The following DYNLT5 variants were observed in gnomAD, a reference collection of about 807,000 sequenced individuals.
DYNLT5 encodes dynein light chain Tctex-type 5.
Under a neutral mutation model 19.3 loss-of-function variants are expected in DYNLT5, and 25 were observed. That is an observed-to-expected ratio of 1.30 (90% CI 0.95 to 1.81). DYNLT5 has a LOEUF of 1.81. DYNLT5 is among the 40% of genes most tolerant of loss of function. The pLI is 0.00. For missense variants in DYNLT5, 232 were observed against 217.9 expected, an observed-to-expected ratio of 1.06 and a Z score of -0.41; for synonymous variants, 82 against 68.9, an observed-to-expected ratio of 1.19 and a Z score of -0.94.
intron 2 of DYNLT5, among the ~76,000 whole-genome samples, chr1:66,760,393 T>C (rs2094643895): frequency 6.6e-6 from 1 of 152,216 alleles, no homozygotes; most frequent in African/African-American, 2.4e-5. Flanking sequence ...TGAATAATTG[T>C]TGCATTTTAT....
chr1:66,774,175 G>A (rs1405855907), intron 3 of DYNLT5, among the ~76,000 whole-genome samples: 2 of 152,032 alleles, frequency 1.3e-5, no homozygotes, highest in East Asian at 1.9e-4. Flanking sequence ...TCTTTTGGTG[G>A]CCTGGCCTCC....
chr1:66,775,457 A>C (rs1016492867), intron 3 of DYNLT5: 2 of 152,234 alleles, frequency 1.3e-5, no homozygotes, highest in African/African-American at 2.4e-5. Flanking sequence ...ATTATCTATA[A>C]AATTTAATTC....
At chr1:66,756,026 T>C (rs1399550308) in intron 2 of DYNLT5, among the ~76,000 whole-genome samples, 5 of 152,166 alleles carry the variant, frequency 3.3e-5, no homozygotes, top group Admixed American at 6.5e-5. Context: ...TCTTTTCCCC[T>C]TCAAAACAAA....
chr1:66,771,544 C>T (rs1198100373), intron 3 of DYNLT5, among the ~76,000 whole-genome samples: 1 of 152,092 alleles, frequency 6.6e-6, no homozygotes, highest in African/African-American at 2.4e-5. Flanking sequence ...AACATAAAGC[C>T]CTGAAACTTG....
intron 2 of DYNLT5, among the ~76,000 whole-genome samples, chr1:66,756,531 T>G (rs1015902105): frequency 6.6e-6 from 1 of 152,222 alleles, no homozygotes; most frequent in Non-Finnish European, 1.5e-5. Flanking sequence ...GAAAATTACT[T>G]TAAAACAATT....
rs1645243980 is a variant in DYNLT5, at chr1:66,777,502, C to T, written c.*48C>T. The T allele has an allele frequency of 1.3e-6, 2 of 1,545,580 alleles. No individual in the cohort carries two copies. Among genetic ancestry groups the T allele is most frequent in the Admixed American group, 1.8e-5 (1 of 56,124 alleles). The stretch of plus-strand genomic sequence containing the variant: ...TTACTTTTGAAAATTCTGAGGCAGG[C>T]TGTATGTCTGTACACAAAAGTTTTA... On this transcript the variant is annotated 3_prime_UTR_variant, in exon 5 of 5. Transcript: ENST00000282670.
At chr1:66,758,721 G>T (rs751533348) in intron 2 of DYNLT5, among the ~76,000 whole-genome samples, 4 of 152,154 alleles carry the variant, frequency 2.6e-5, no homozygotes, top group Non-Finnish European at 5.9e-5. Context: ...ACTGAGAGCT[G>T]CCTGGTAACT....
chr1:66,755,667 C>A (rs2094634889), intron 2 of DYNLT5: 1 of 152,208 alleles, frequency 6.6e-6, no homozygotes, highest in Non-Finnish European at 1.5e-5. Flanking sequence ...CTACTTGCAA[C>A]TCCACATTCC....
At chr1:66,776,558 T>TGG (rs72451064) in intron 4 of DYNLT5, among the ~76,000 whole-genome samples, 155 bp downstream of exon 4, 8 of 135,442 alleles carry the variant, frequency 5.9e-5, no homozygotes, top group East Asian at 2.0e-4. Context: ...TGTGTGTGTG[T>TGG]GGGTGTGTGT....
intron 3 of DYNLT5, among the ~76,000 whole-genome samples, chr1:66,771,083 CTA>C (rs750639277): frequency 1.1e-4 from 16 of 152,182 alleles, no homozygotes; most frequent in Admixed American, 6.5e-4. Context: ...ATAATTACTG[CTA>C]TATGGAAATT....
At chr1:66,755,220 A>G (rs995475383) in intron 2 of DYNLT5, among the ~76,000 whole-genome samples, 2 of 152,154 alleles carry the variant, frequency 1.3e-5, no homozygotes, top group Admixed American at 1.3e-4. Context: ...TATTTTGTCA[A>G]TTTATGATTC....
chr1:66,764,462 G>A (rs2094651142), intron 2 of DYNLT5, among the ~76,000 whole-genome samples: 1 of 152,162 alleles, frequency 6.6e-6, no homozygotes, highest in Admixed American at 6.5e-5. Context: ...GAGAGACATG[G>A]GAAATGGCTG....
rs1572554985 is a variant in DYNLT5 at position 66,778,810 on chromosome 1, T to G, written c.*1356T>G. On this transcript the variant is annotated 3_prime_UTR_variant, in exon 5 of 5. Transcript: ENST00000282670. ...ATGAATTTGTCAATTTTCACTTTTTTTTTTCTGTTAGTGCATTAGTGGGAA... is the reference window on the plus strand; with the variant it reads ...ATGAATTTGTCAATTTTCACTTTTTGTTTTCTGTTAGTGCATTAGTGGGAA... 1 of 152,302 alleles carries G rather than the reference T, an allele frequency of 6.6e-6. No individual in the cohort carries two copies. Among genetic ancestry groups the G allele is most frequent in the South Asian group, 2.1e-4 (1 of 4,830 alleles). 9.4% of individuals were successfully genotyped at this position (152,302 alleles called of 1,614,324 possible).
chr1:66,756,992 A>G (rs2150858984), intron 2 of DYNLT5, among the ~76,000 whole-genome samples: 1 of 152,280 alleles, frequency 6.6e-6, no homozygotes, highest in South Asian at 2.1e-4. Flanking sequence ...AGTGCTCTCT[A>G]ATTACTCATC....
At position 66,778,657 on chromosome 1, in the gene DYNLT5, G is replaced by A. The variant is rs1201985427; in HGVS notation, c.*1203G>A. 7 of 152,588 alleles carry A rather than the reference G, an allele frequency of 4.6e-5. No homozygotes were observed. The highest frequency in any genetic ancestry group is 8.8e-5 in the Non-Finnish European group (6 of 68,022). 9.5% of individuals were successfully genotyped at this position (152,588 alleles called of 1,614,324 possible). ...AAAGAGTTTAGCAAATGGAAAACCA[G>A]TTAATGCTTTAATTTTAAAATGTTT... is the stretch of plus-strand genomic sequence containing the variant. On this transcript the variant is annotated 3_prime_UTR_variant, in exon 5 of 5. Transcript: ENST00000282670.
chr1:66,776,432 AC>A, intron 4 of DYNLT5, 29 bp downstream of exon 4: 1 of 1,571,830 alleles, frequency 6.4e-7, no homozygotes. Context: ...CAAAGTGTTA[AC>A]AATAGCTAGA....
At position 66,777,056 on chromosome 1, in the gene DYNLT5, A is replaced by C. The variant is rs367597068; in HGVS notation, c.337-195A>C. ...AAGGTTGATTTATTGCTGGTGTTAA[A>C]ATTTTGTTCCTGAATGTTCTATCTC... is the stretch of plus-strand genomic sequence containing the variant. On this transcript the variant is annotated intron_variant, in intron 4 of 4. Transcript: ENST00000282670. Among the ~76,000 whole-genome samples the C allele has an allele frequency of 3.9e-5, 6 of 152,156 alleles. No individual in the cohort carries two copies. The East Asian group carries it at 5.8e-4, about 15-fold the overall frequency.
chr1:66,757,344 G>A (rs1305714921), intron 2 of DYNLT5, among the ~76,000 whole-genome samples: 1 of 152,124 alleles, frequency 6.6e-6, no homozygotes, highest in Non-Finnish European at 1.5e-5. Context: ...ATTACAAAAA[G>A]AAGATTAAAT....
chr1:66,760,183 C>G (rs533653805), intron 2 of DYNLT5, among the ~76,000 whole-genome samples: 1 of 152,164 alleles, frequency 6.6e-6, no homozygotes, highest in Non-Finnish European at 1.5e-5. Flanking sequence ...GCATGTATCA[C>G]CTTTTATCAT....
Sources: allele counts gnomAD v4.1 joint callset (sites outside exome capture counted in the v4.1 genomes callset), GRCh38; gene constraint gnomAD v4.1.1; transcripts MANE v1.5; gene names NCBI Gene and HGNC (gene_info 2026-07-23, HGNC 2026-07-21).